AGTPBP1: variants seen among roughly 807,000 people sequenced by gnomAD.
AGTPBP1 encodes the protein cytosolic carboxypeptidase 1.
Under a neutral mutation model 143.9 loss-of-function variants are expected in AGTPBP1, and 70 were observed. The observed-to-expected ratio is 0.49, with a 90% CI of 0.40 to 0.59. AGTPBP1 has a LOEUF of 0.59. AGTPBP1 is among the 20% of genes least tolerant of loss of function. The pLI is 0.00. For synonymous variants in AGTPBP1, 463 were observed against 500.2 expected (o/e 0.93, Z 0.99); for missense variants, 1,229 against 1,464.5 (o/e 0.84, Z 2.62).
At chr9:85,628,545 G>GA (rs1336919242) in intron 14 of AGTPBP1, among the ~76,000 whole-genome samples, 1 of 152,138 alleles carries the variant, frequency 6.6e-6, no homozygotes, top group Non-Finnish European at 1.5e-5. Context: ...TCAAGGTCGT[G>GA]AAAATCAAAG....
At chr9:85,773,715 C>T in the AGTPBP1 span, 1 of 631,094 alleles carries the variant, frequency 1.6e-6, no homozygotes, top group South Asian at 2.0e-5. Flanking sequence ...GACCCAATAC[C>T]TGGCAGGAAT....
At chr9:85,740,153 T>A (rs536164596) in intron 1 of AGTPBP1, among the ~76,000 whole-genome samples, 29 of 152,368 alleles carry the variant, frequency 1.9e-4, no homozygotes, top group African/African-American at 6.5e-4. Context: ...AAAAGCTTTA[T>A]AAAAATTGCT....
chr9:85,642,344 T>A (rs549373891), intron 13 of AGTPBP1, among the ~76,000 whole-genome samples: 1 of 151,716 alleles, frequency 6.6e-6, no homozygotes, highest in South Asian at 2.1e-4. Context: ...CCTCTTTTTT[T>A]TTTGAGACGG....
intron 3 of AGTPBP1, among the ~76,000 whole-genome samples, chr9:85,682,542 T>C (rs560287248): frequency 6.6e-6 from 1 of 152,368 alleles, no homozygotes; most frequent in South Asian, 2.1e-4. Context: ...ACCTGAATAC[T>C]AATGCCAGAA....
chr9:85,635,403 T>C (rs1226288486), intron 13 of AGTPBP1, among the ~76,000 whole-genome samples: 2 of 152,180 alleles, frequency 1.3e-5, no homozygotes, highest in Non-Finnish European at 2.9e-5. Context: ...AATAGGTAGA[T>C]CTACCTTAAA....
rs540036251 is a variant in AGTPBP1, at chr9:85,654,995, G to T, written c.1087+148C>A. ...TAGCCTCCAATTTCTTACATTTAAA[G>T]AAATGCTTAACTAAAATAAAATGTG... On this transcript the variant is annotated intron_variant, in intron 11 of 25. Transcript: ENST00000357081. 5.3e-5 allele frequency: 38 copies of T among 710,684 alleles called. No homozygotes were observed. In the African/African-American group the frequency reaches 6.0e-4, roughly 11 times the overall value. The allele number at this position is 710,684 out of a possible 1,614,324, so 44.0% of individuals were successfully genotyped here. A position where few individuals can be genotyped will look rare whatever the true frequency, so the allele number is the denominator to read the frequency against.
At chr9:85,799,028 GTGT>G in the AGTPBP1 span, among the ~76,000 whole-genome samples, 3 of 152,078 alleles carry the variant, frequency 2.0e-5, no homozygotes, top group African/African-American at 7.2e-5. Context: ...TCCCCGCCCT[GTGT>G]CCAAATGTTC....
chr9:85,741,412 C>G lies in AGTPBP1; in HGVS notation c.-34+363G>C, dbSNP rs1303427573. On this transcript the variant is annotated intron_variant, in intron 1 of 25. Coordinates refer to ENST00000357081, the MANE Select transcript of AGTPBP1 (RefSeq NM_001330701.2). ...CCTGCAGCCCCTCGGCTGGACTCCCCGCGGCGCCGCGAGCTCGGGCCCGAG... is the reference window on the plus strand; with the variant it reads ...CCTGCAGCCCCTCGGCTGGACTCCCGGCGGCGCCGCGAGCTCGGGCCCGAG... 3 of 985,256 alleles carry G rather than the reference C, an allele frequency of 3.0e-6. No homozygotes were observed. The East Asian group carries it at 3.4e-4, about 112-fold the overall frequency. The allele number at this position is 985,256 out of a possible 1,614,324, so 61.0% of individuals were successfully genotyped here. A position where few individuals can be genotyped will look rare whatever the true frequency, so the allele number is the denominator to read the frequency against.
At chr9:85,759,223 T>G in the AGTPBP1 span, among the ~76,000 whole-genome samples, 2,914 of 152,000 alleles carry the variant, frequency 0.019, 81 homozygotes, top group African/African-American at 0.061. Context: ...GAGACAGAAA[T>G]TTAACAAGGA....
At position 85,657,415 on chromosome 9, in the gene AGTPBP1, A is replaced by G. The variant is rs372039995; in HGVS notation, c.909+20T>C. The G allele has an allele frequency of 1.8e-5, 29 of 1,582,678 alleles. No individual in the cohort carries two copies. In the Admixed American group the frequency reaches 4.5e-4, roughly 24 times the overall value. ...ATATTATTAGTACATAATCACAATA[A>G]TAAGAAGAAAATAACTCACTTGCGA... On this transcript the variant is annotated intron_variant, in intron 10 of 25. Transcript: ENST00000357081.
At chr9:85,628,578 G>T (rs1037263560) in intron 14 of AGTPBP1, among the ~76,000 whole-genome samples, 10 of 152,200 alleles carry the variant, frequency 6.6e-5, no homozygotes, top group African/African-American at 1.7e-4. Context: ...TATAGGGAAA[G>T]AAATCTTTGA....
At chr9:85,650,506 C>T (rs115307997) in intron 11 of AGTPBP1, among the ~76,000 whole-genome samples, 2,577 of 152,214 alleles carry the variant, frequency 0.017, 38 homozygotes, top group African/African-American at 0.037. Flanking sequence ...ACAGAATACA[C>T]GTAACATAAA....
chr9:85,625,342 T>C (rs150147822), intron 14 of AGTPBP1, among the ~76,000 whole-genome samples: 2 of 152,346 alleles, frequency 1.3e-5, no homozygotes, highest in African/African-American at 4.8e-5. Context: ...ACCTCATCAA[T>C]AGAATGTTAT....
intron 17 of AGTPBP1, among the ~76,000 whole-genome samples, chr9:85,602,862 G>A (rs574075991): frequency 1.3e-5 from 2 of 152,296 alleles, no homozygotes; most frequent in East Asian, 3.9e-4. Flanking sequence ...GAGAGAACAT[G>A]CAGTGACTGT....
At position 85,677,657 on chromosome 9, in the gene AGTPBP1, T is replaced by C. The variant is rs1834919156; in HGVS notation, c.290-75A>G. The C allele has an allele frequency of 3.6e-5, 44 of 1,228,944 alleles. 2 individuals carry two copies. The South Asian group carries it at 7.4e-4, about 21-fold the overall frequency. The allele number at this position is 1,228,944 out of a possible 1,614,324, so 76.1% of individuals were successfully genotyped here. A position where few individuals can be genotyped will look rare whatever the true frequency, so the allele number is the denominator to read the frequency against. On this transcript the variant is annotated intron_variant, in intron 5 of 25. Coordinates refer to ENST00000357081, the MANE Select transcript of AGTPBP1 (RefSeq NM_001330701.2). ...AACAAATTTAAACAAACATATTAGG[T>C]ATCATAACTTGTTAGCATTCAAGAA...
chr9:85,607,945 C>T (rs1030779608), intron 17 of AGTPBP1, among the ~76,000 whole-genome samples: 1 of 152,014 alleles, frequency 6.6e-6, no homozygotes, highest in Admixed American at 6.6e-5. Flanking sequence ...ATTACAGCTG[C>T]GATTTCAGAT....
intron 14 of AGTPBP1, among the ~76,000 whole-genome samples, chr9:85,629,294 T>C (rs962855143): frequency 6.6e-6 from 1 of 152,224 alleles, no homozygotes; most frequent in African/African-American, 2.4e-5. Context: ...TGGAAGAAGC[T>C]GGACTCTAAT....
the AGTPBP1 span, among the ~76,000 whole-genome samples, chr9:85,792,789 C>T: frequency 3.3e-5 from 5 of 150,386 alleles, no homozygotes; most frequent in African/African-American, 1.3e-4. Context: ...AATGCTTTAT[C>T]AAATGAAAGC....
At position 85,619,146 on chromosome 9, in the gene AGTPBP1, CAAAG is replaced by C; in HGVS notation, c.2187-19_2187-16del. 1 of 1,610,956 alleles carries C rather than the reference CAAAG, an allele frequency of 6.2e-7. No individual in the cohort carries two copies. The highest frequency in any genetic ancestry group is 8.5e-7 in the Non-Finnish European group (1 of 1,178,328). On this transcript the variant is annotated splice_polypyrimidine_tract_variant and intron_variant, in intron 16 of 25. Coordinates refer to ENST00000357081, the MANE Select transcript of AGTPBP1 (RefSeq NM_001330701.2). ...CATATTCATTTCTGAAAATAGAAGA[CAAAG>C]AAATCTGATGAAAATTAGGAAATAT...
Sources: allele counts gnomAD v4.1 joint callset (sites outside exome capture counted in the v4.1 genomes callset), GRCh38; gene constraint gnomAD v4.1.1; transcripts MANE v1.5; gene names NCBI Gene and HGNC (gene_info 2026-07-23, HGNC 2026-07-21).